The following CALN1 variants were observed in gnomAD, a reference collection of about 807,000 sequenced individuals.
CALN1 encodes calneuron 1, also known as calcium-binding protein 8.
CALN1 carries 17 observed loss-of-function variants against 30.6 expected under a neutral mutation model. The observed-to-expected ratio is 0.56, with a 90% CI of 0.38 to 0.83. CALN1 has a LOEUF of 0.83. Among genes scored for constraint, CALN1 ranks in the 40% least tolerant of loss-of-function variants. The pLI, the probability that CALN1 is intolerant of heterozygous loss-of-function variation, is 0.00. For synonymous variants in CALN1, 156 were observed against 131.4 expected, an observed-to-expected ratio of 1.19 and a Z score of -1.28; for missense variants, 291 against 354.9, an observed-to-expected ratio of 0.82 and a Z score of 1.45.
intron 5 of CALN1, among the ~76,000 whole-genome samples, chr7:71,980,262 C>T (rs1203658455): frequency 1.3e-5 from 2 of 150,704 alleles, no homozygotes; most frequent in Non-Finnish European, 2.9e-5. Flanking sequence ...TTTCTGCTCA[C>T]TGCAACCTTC....
intron 3 of CALN1, among the ~76,000 whole-genome samples, chr7:72,153,018 G>A (rs537404862): frequency 6.6e-6 from 1 of 152,148 alleles, no homozygotes; most frequent in Non-Finnish European, 1.5e-5. Context: ...GCAACCACTA[G>A]AACAGGCTAG....
At chr7:72,012,945 G>A (rs1562975980) in intron 5 of CALN1, among the ~76,000 whole-genome samples, 1 of 152,070 alleles carries the variant, frequency 6.6e-6, no homozygotes, top group Non-Finnish European at 1.5e-5. Context: ...ACAGGTGCAC[G>A]CCACCACGCT....
intron 2 of CALN1, among the ~76,000 whole-genome samples, chr7:72,353,546 G>GAA (rs1803060300): frequency 6.6e-6 from 1 of 152,108 alleles, no homozygotes; most frequent in Admixed American, 6.6e-5. Flanking sequence ...TGAAAACTTA[G>GAA]AAAGTTTGGA....
intron 6 of CALN1, 31 bp downstream of exon 6, chr7:71,810,305 C>T: frequency 6.2e-7 from 1 of 1,608,260 alleles, no homozygotes; most frequent in South Asian, 1.1e-5. Flanking sequence ...CTGTCCCGGA[C>T]CGGGGAGGGG....
At chr7:72,382,792 G>C (rs980939644) in intron 2 of CALN1, among the ~76,000 whole-genome samples, 1 of 152,002 alleles carries the variant, frequency 6.6e-6, no homozygotes, top group Admixed American at 6.6e-5. Context: ...TAAAGGACAG[G>C]ATTTCATTTT....
chr7:72,048,810 TTC>T (rs1234167133), intron 4 of CALN1, among the ~76,000 whole-genome samples: 1 of 151,462 alleles, frequency 6.6e-6, no homozygotes, highest in Non-Finnish European at 1.5e-5. Context: ...CCTTCCTTCC[TTC>T]TCTTTCTTTC....
At chr7:71,829,992 T>G (rs935167189) in intron 5 of CALN1, among the ~76,000 whole-genome samples, 5 of 151,742 alleles carry the variant, frequency 3.3e-5, no homozygotes, top group Non-Finnish European at 7.4e-5. Context: ...TGTCTCTCTC[T>G]CCATCTTTTT....
intron 2 of CALN1, among the ~76,000 whole-genome samples, chr7:72,331,666 T>C (rs1231120956): frequency 1.3e-5 from 2 of 152,148 alleles, no homozygotes; most frequent in Non-Finnish European, 2.9e-5. Context: ...ATTCATTTTA[T>C]TTTTTTTCCA....
chr7:72,267,689 T>C (rs477387), intron 3 of CALN1, among the ~76,000 whole-genome samples: 33,197 of 152,116 alleles, frequency 0.22, 5,125 homozygotes, highest in East Asian at 0.43. Context: ...TCTGGATTTT[T>C]CACGTTTGCA....
chr7:72,314,413 A>C (rs1427265248), intron 2 of CALN1, among the ~76,000 whole-genome samples: 1 of 150,326 alleles, frequency 6.7e-6, no homozygotes, highest in African/African-American at 2.4e-5. Flanking sequence ...ATACACATAT[A>C]TATACACACA....
At chr7:72,396,817 ACT>A (rs1805993732) in intron 2 of CALN1, among the ~76,000 whole-genome samples, 1 of 152,228 alleles carries the variant, frequency 6.6e-6, no homozygotes, top group African/African-American at 2.4e-5. Flanking sequence ...CATGACTCAC[ACT>A]GAGAACTTCG....
chr7:72,297,936 C>A (rs1798978681), intron 2 of CALN1, among the ~76,000 whole-genome samples: 1 of 152,164 alleles, frequency 6.6e-6, no homozygotes, highest in Non-Finnish European at 1.5e-5. Flanking sequence ...GGAAGTTTCT[C>A]ACACAGTTGA....
chr7:72,143,444 G>C (rs1810105311), intron 3 of CALN1, among the ~76,000 whole-genome samples: 1 of 152,098 alleles, frequency 6.6e-6, no homozygotes, highest in Non-Finnish European at 1.5e-5. Context: ...AAAAAGAAAT[G>C]AACAAAGCCT....
chr7:72,349,387 A>T (rs1802811112), intron 2 of CALN1, among the ~76,000 whole-genome samples: 1 of 152,044 alleles, frequency 6.6e-6, no homozygotes. Flanking sequence ...AATTTGATAA[A>T]AGCCTAAATA....
intron 3 of CALN1, among the ~76,000 whole-genome samples, chr7:72,170,261 G>T (rs1788844895): frequency 1.3e-5 from 2 of 152,152 alleles, no homozygotes; most frequent in African/African-American, 4.8e-5. Context: ...CTACAGGTGT[G>T]TGCCATCGTG....
intron 3 of CALN1, among the ~76,000 whole-genome samples, chr7:72,174,991 T>C (rs925110970): frequency 6.6e-6 from 1 of 151,998 alleles, no homozygotes; most frequent in African/African-American, 2.4e-5. Flanking sequence ...GGTAGTATTA[T>C]AGGTATATAC....
intron 5 of CALN1, among the ~76,000 whole-genome samples, chr7:71,829,649 G>A (rs561619023): frequency 6.6e-6 from 1 of 152,320 alleles, no homozygotes; most frequent in South Asian, 2.1e-4. Context: ...GATTGCCTGG[G>A]TCGGGCCCTG....
At chr7:71,982,651 C>G (rs545665884) in intron 5 of CALN1, among the ~76,000 whole-genome samples, 2 of 152,202 alleles carry the variant, frequency 1.3e-5, no homozygotes, top group South Asian at 4.1e-4. Flanking sequence ...AACAGAAATA[C>G]AATTTATAGC....
chr7:72,393,028 G>C (rs1585646767), intron 2 of CALN1, among the ~76,000 whole-genome samples: 1 of 151,986 alleles, frequency 6.6e-6, no homozygotes, highest in East Asian at 1.9e-4. Flanking sequence ...AACACCAGGA[G>C]TGTGTTAGAT....
Sources: gnomAD v4.1 joint callset for allele counts (sites outside exome capture counted in the v4.1 genomes callset) on GRCh38, gnomAD v4.1.1 for gene constraint, MANE v1.5 for transcripts, NCBI Gene and HGNC (gene_info 2026-07-23, HGNC 2026-07-21) for gene names.